Variants in FBN1 observed in about 807,000 individuals in gnomAD.
The protein encoded by FBN1 is fibrillin-1.
Under a neutral mutation model 365.1 loss-of-function variants are expected in FBN1, and 29 were observed. The observed-to-expected ratio is 0.08, with a 90% CI of 0.06 to 0.11. The LOEUF (loss-of-function observed/expected upper bound fraction) is 0.11. FBN1 is among the 10% of genes least tolerant of loss of function. The pLI is 1.00. For missense variants in FBN1, 2,476 were observed against 3,703.2 expected, an observed-to-expected ratio of 0.67 and a Z score of 8.60; for synonymous variants, 1,210 against 1,270.5, an observed-to-expected ratio of 0.95 and a Z score of 1.01.
chr15:48,571,107 G>T (rs2044302777), intron 6 of FBN1, among the ~76,000 whole-genome samples: 1 of 152,192 alleles, frequency 6.6e-6, no homozygotes, highest in African/African-American at 2.4e-5. Flanking sequence ...TTCCCACTGA[G>T]CCACAGGTCA....
chr15:48,544,830 G>A (rs1468909742), intron 6 of FBN1, among the ~76,000 whole-genome samples: 1 of 152,010 alleles, frequency 6.6e-6, no homozygotes, highest in African/African-American at 2.4e-5. Context: ...TCATCTTCCT[G>A]TAAAGTTATC....
Position 48,520,831 on chromosome 15 carries a change from AAC to A in FBN1, c.989-16_989-15del, listed in dbSNP as rs1443212781. 2 of 1,613,980 alleles carry A rather than the reference AAC, an allele frequency of 1.2e-6. No individual in the cohort carries two copies. Among genetic ancestry groups the A allele is most frequent in the African/African-American group, 2.7e-5 (2 of 74,916 alleles). On this transcript the variant is annotated splice_polypyrimidine_tract_variant and intron_variant, in intron 9 of 65. Coordinates refer to ENST00000316623, the MANE Select transcript of FBN1 (RefSeq NM_000138.5). The stretch of plus-strand genomic sequence containing the variant: ...CTGGGCGAACATCTGAGGACAAAGA[AAC>A]ACATACACACACACACATCGCTGAG...
chr15:48,415,748 G>A lies in FBN1; in HGVS notation c.7839C>T (p.Ser2613=), dbSNP rs193922238. The part of the protein sequence containing the change: ...NQCVDENECL[S]AHICGGASCH... ...AGGAGGCTCCTCCGCAGATGTGAGC[G>A]CTGAGGCATTCGTTTTCATCTGCAG... The change falls in exon 64 of 66, where the codon AGC becomes AGT. Residue 2613 remains serine (S), a synonymous_variant. Transcript: ENST00000316623. 32 of 1,614,012 alleles carry A rather than the reference G, an allele frequency of 2.0e-5. 1 individual carries two copies. The Admixed American group carries it at 2.0e-4, about 10-fold the overall frequency.
chr15:48,603,825 T>C (rs1490067839), intron 4 of FBN1, among the ~76,000 whole-genome samples: 1 of 152,146 alleles, frequency 6.6e-6, no homozygotes, highest in African/African-American at 2.4e-5. Context: ...GAACCCTGAG[T>C]GTCCTAGGGT....
At chr15:48,488,640 A>G (rs2043530602) in intron 25 of FBN1, 147 bp from the exon 26 acceptor site, 1 of 862,414 alleles carries the variant, frequency 1.2e-6, no homozygotes, top group African/African-American at 1.7e-5. Flanking sequence ...GTGATGATCC[A>G]TGAGATATAT....
intron 17 of FBN1, 26 bp downstream of exon 17, chr15:48,503,761 G>A (rs774766065): frequency 7.4e-6 from 12 of 1,612,958 alleles, no homozygotes; most frequent in Middle Eastern, 1.9e-4. Context: ...CTGGCAGTAC[G>A]AGGGCATCTC....
chr15:48,612,217 TG>T (rs2140735945), intron 3 of FBN1, among the ~76,000 whole-genome samples: 1 of 152,318 alleles, frequency 6.6e-6, no homozygotes, highest in African/African-American at 2.4e-5. Flanking sequence ...AAGCAAATAT[TG>T]GCCAATATAG....
intron 2 of FBN1, among the ~76,000 whole-genome samples, chr15:48,631,636 G>A (rs1444911879): frequency 6.6e-6 from 1 of 152,166 alleles, no homozygotes; most frequent in African/African-American, 2.4e-5. Flanking sequence ...GCGTGTGACT[G>A]GGGCAGTGCT....
chr15:48,434,461 C>A, intron 54 of FBN1, 133 bp downstream of exon 54: 1 of 1,092,962 alleles, frequency 9.1e-7, no homozygotes, highest in Non-Finnish European at 1.4e-6. Flanking sequence ...GAAGAATGAT[C>A]AAATGGCCCA....
chr15:48,505,119 G>A lies in FBN1; in HGVS notation c.1866C>T (p.Ile622=), dbSNP rs780255280. ...TGTTGACGCAACGCCCATTCATGCAGATCCCAGGGGTTTCACACTCGTTAA... is the reference window on the plus strand; with the variant it reads ...TGTTGACGCAACGCCCATTCATGCAAATCCCAGGGGTTTCACACTCGTTAA... The part of the protein sequence containing the change: ...KDINECETPG[I]CMNGRCVNTD... The change falls in exon 16 of 66, where the codon ATC becomes ATT. Residue 622 remains isoleucine (I), a synonymous_variant. Coordinates refer to ENST00000316623, the MANE Select transcript of FBN1 (RefSeq NM_000138.5). 4 of 1,614,068 alleles carry A rather than the reference G, an allele frequency of 2.5e-6. No individual in the cohort carries two copies. The African/African-American group carries it at 5.3e-5, about 22-fold the overall frequency.
intron 8 of FBN1, among the ~76,000 whole-genome samples, chr15:48,526,825 C>T (rs1244964894): frequency 6.6e-6 from 1 of 152,130 alleles, no homozygotes; most frequent in African/African-American, 2.4e-5. Flanking sequence ...CACTGGGTGC[C>T]CTAACCAACG....
At chr15:48,449,121 A>T (rs186427432) in intron 45 of FBN1, among the ~76,000 whole-genome samples, 1 of 152,318 alleles carries the variant, frequency 6.6e-6, no homozygotes, top group Non-Finnish European at 1.5e-5. Context: ...AGTAATCAAA[A>T]AATATTCTGA....
intron 2 of FBN1, among the ~76,000 whole-genome samples, chr15:48,638,274 G>GC (rs1407102014): frequency 1.3e-5 from 2 of 152,154 alleles, no homozygotes; most frequent in African/African-American, 4.8e-5. Context: ...GCTTGTAACA[G>GC]CATCTGCCAT....
intron 34 of FBN1, among the ~76,000 whole-genome samples, chr15:48,473,092 C>A (rs141274268): frequency 6.6e-6 from 1 of 152,176 alleles, no homozygotes; most frequent in African/African-American, 2.4e-5. Flanking sequence ...TTAATCTCTA[C>A]CTAGTTTTCT....
At chr15:48,458,119 T>C (rs1218322706) in intron 43 of FBN1, among the ~76,000 whole-genome samples, 1 of 152,236 alleles carries the variant, frequency 6.6e-6, no homozygotes, top group Non-Finnish European at 1.5e-5. Context: ...AATTCACTAG[T>C]TTCTATGACT....
At chr15:48,452,081 T>C (rs74318713) in intron 45 of FBN1, among the ~76,000 whole-genome samples, 3,910 of 152,358 alleles carry the variant, frequency 0.026, 82 homozygotes, top group East Asian at 0.083. Flanking sequence ...GCTTTGTTTG[T>C]TCTGTTTCTG....
At chr15:48,619,492 T>C (rs1043335935) in intron 2 of FBN1, among the ~76,000 whole-genome samples, 1 of 152,036 alleles carries the variant, frequency 6.6e-6, no homozygotes, top group Non-Finnish European at 1.5e-5. Flanking sequence ...CCCTTTCCTA[T>C]CTGCCTTTCT....
chr15:48,636,563 C>T (rs901802157), intron 2 of FBN1, among the ~76,000 whole-genome samples: 5 of 152,122 alleles, frequency 3.3e-5, no homozygotes, highest in Admixed American at 2.0e-4. Context: ...GGCTCCATCC[C>T]GGGGGCAGGT....
At chr15:48,557,566 C>T (rs2044190911) in intron 6 of FBN1, among the ~76,000 whole-genome samples, 2 of 152,268 alleles carry the variant, frequency 1.3e-5, no homozygotes, top group East Asian at 1.9e-4. Context: ...GCCATTCAAG[C>T]CAGGATTCTG....
Sources: gnomAD v4.1 joint callset for allele counts (sites outside exome capture counted in the v4.1 genomes callset) on GRCh38, gnomAD v4.1.1 for gene constraint, MANE v1.5 for transcripts, NCBI Gene and HGNC (gene_info 2026-07-23, HGNC 2026-07-21) for gene names.